AHI1: variants seen among roughly 807,000 people sequenced by gnomAD.
AHI1 encodes Abelson helper integration site 1, also known as jouberin.
In AHI1, 123 loss-of-function variants were observed where a neutral mutation model predicts 149.3. That is an observed-to-expected ratio of 0.82 (90% confidence interval 0.71 to 0.96). The LOEUF (loss-of-function observed/expected upper bound fraction) is 0.96. Ranked by LOEUF, AHI1 falls within the 40% of genes least tolerant of loss-of-function variation. AHI1 has a pLI of 0.00. For synonymous variants in AHI1, 475 were observed against 459.8 expected, an observed-to-expected ratio of 1.03 and a Z score of -0.42; for missense variants, 1,439 against 1,422.7, an observed-to-expected ratio of 1.01 and a Z score of -0.18.
At chr6:135,481,448 TC>T (rs1395241419) in intron 5 of AHI1, among the ~76,000 whole-genome samples, 2 of 152,084 alleles carry the variant, frequency 1.3e-5, no homozygotes, top group Admixed American at 1.3e-4. Context: ...AAATTCAAAA[TC>T]CAAAACGCTC....
chr6:135,405,201 C>G (rs1361879679), intron 21 of AHI1, among the ~76,000 whole-genome samples: 1 of 152,084 alleles, frequency 6.6e-6, no homozygotes, highest in Non-Finnish European at 1.5e-5. Context: ...TGTGAAACTC[C>G]CGAGGGCTCA....
chr6:135,494,143 T>C (rs146945707), intron 3 of AHI1, among the ~76,000 whole-genome samples: 11 of 152,354 alleles, frequency 7.2e-5, no homozygotes, highest in Admixed American at 5.2e-4. Flanking sequence ...CACTGTAATA[T>C]AATGCAGTAC....
chr6:135,443,841 A>T (rs1269512249), intron 13 of AHI1, among the ~76,000 whole-genome samples: 2 of 152,152 alleles, frequency 1.3e-5, no homozygotes, highest in Non-Finnish European at 2.9e-5. Flanking sequence ...CTCCAACCAC[A>T]TAATTAAGAA....
intron 27 of AHI1, among the ~76,000 whole-genome samples, chr6:135,291,176 A>G (rs958120418): frequency 6.6e-6 from 1 of 152,176 alleles, no homozygotes; most frequent in Non-Finnish European, 1.5e-5. Context: ...AATGGAACAG[A>G]GTATCTTCTA....
At chr6:135,343,396 A>G (rs1415221065) in intron 24 of AHI1, among the ~76,000 whole-genome samples, 1 of 151,934 alleles carries the variant, frequency 6.6e-6, no homozygotes, top group Admixed American at 6.6e-5. Context: ...GAAGGTGATC[A>G]TAAGATTCCT....
chr6:135,443,779 A>G (rs1438274800), intron 13 of AHI1, among the ~76,000 whole-genome samples: 1 of 152,132 alleles, frequency 6.6e-6, no homozygotes, highest in Non-Finnish European at 1.5e-5. Context: ...CATGCTCCCC[A>G]TCCTTTCTCT....
chr6:135,397,484 TAA>T (rs2128488588), intron 22 of AHI1, among the ~76,000 whole-genome samples: 1 of 151,986 alleles, frequency 6.6e-6, no homozygotes, highest in African/African-American at 2.4e-5. Flanking sequence ...TGGAGAAAAC[TAA>T]AAGCATAAAA....
rs774674688 is a variant in AHI1, at chr6:135,427,313, TAA to T, written c.2624-8_2624-7del. 4.4e-6 allele frequency: 7 copies of T among 1,605,388 alleles called. No individual in the cohort carries two copies. Among genetic ancestry groups the T allele is most frequent in the South Asian group, 1.1e-5 (1 of 90,006 alleles). On this transcript the variant is annotated splice_polypyrimidine_tract_variant and splice_region_variant and intron_variant, in intron 19 of 28. Coordinates refer to ENST00000265602, the MANE Select transcript of AHI1 (RefSeq NM_001134831.2). ...ATACATGGCTACTTGTTCTCCTAAA[TAA>T]AAAGAGAGATTCAAAAATGTATATC...
chr6:135,340,310 T>C (rs1790089483), intron 24 of AHI1, among the ~76,000 whole-genome samples: 1 of 151,788 alleles, frequency 6.6e-6, no homozygotes, highest in Non-Finnish European at 1.5e-5. Context: ...AGGTGGAGGT[T>C]GCGGTAAGCT....
At chr6:135,411,656 T>C (rs1376832114) in intron 20 of AHI1, 112 bp from the exon 21 acceptor site, 1 of 810,946 alleles carries the variant, frequency 1.2e-6, no homozygotes, top group Non-Finnish European at 1.7e-6. Flanking sequence ...TCTTAAAAAC[T>C]GGGTAATAAT....
chr6:135,398,561 T>C (rs1172777202), intron 22 of AHI1, among the ~76,000 whole-genome samples: 1 of 152,210 alleles, frequency 6.6e-6, no homozygotes, highest in Non-Finnish European at 1.5e-5. Context: ...CACAGATTAC[T>C]GATATGACAC....
chr6:135,347,987 C>G (rs1008766930), intron 24 of AHI1, among the ~76,000 whole-genome samples: 4 of 152,290 alleles, frequency 2.6e-5, no homozygotes, highest in African/African-American at 4.8e-5. Flanking sequence ...ATTTATTTTA[C>G]TTAATCTTTA....
intron 3 of AHI1, among the ~76,000 whole-genome samples, chr6:135,493,785 G>A (rs1795585205): frequency 6.6e-6 from 1 of 151,736 alleles, no homozygotes; most frequent in Non-Finnish European, 1.5e-5. Flanking sequence ...GCTCATGTCT[G>A]TAATCCCAAT....
At chr6:135,368,280 T>A (rs1489044054) in intron 23 of AHI1, among the ~76,000 whole-genome samples, 1 of 151,936 alleles carries the variant, frequency 6.6e-6, no homozygotes, top group South Asian at 2.1e-4. Flanking sequence ...TGGTCCTTGG[T>A]TGTAGTTTTG....
chr6:135,388,002 T>C (rs1159936635), intron 23 of AHI1: 3 of 1,613,666 alleles, frequency 1.9e-6, no homozygotes, highest in African/African-American at 2.7e-5. Context: ...TCCACCATAA[T>C]ATACATGTGT....
intron 23 of AHI1, among the ~76,000 whole-genome samples, chr6:135,365,621 G>A (rs1774060055): frequency 6.6e-6 from 1 of 152,172 alleles, no homozygotes; most frequent in African/African-American, 2.4e-5. Context: ...CTTGGTCACT[G>A]TTGCTATTTA....
At chr6:135,494,846 A>G (rs1395168887) in intron 3 of AHI1, among the ~76,000 whole-genome samples, 1 of 152,152 alleles carries the variant, frequency 6.6e-6, no homozygotes, top group East Asian at 1.9e-4. Context: ...ACAGAAGCAA[A>G]CCCAAGTTTT....
chr6:135,336,108 C>T (rs1402619749), intron 24 of AHI1, among the ~76,000 whole-genome samples: 6 of 136,936 alleles, frequency 4.4e-5, no homozygotes, highest in South Asian at 2.3e-4. Context: ...AGCGAAACTC[C>T]GTCTAAAAAA....
chr6:135,411,471 T>C lies in AHI1; in HGVS notation c.2838A>G (p.Gln946=), dbSNP rs1195549298. ...TFPLPGIHQS[Q]DALCTCPKLP... ...GTTTTGGACAGGTACATAGGGCATC[T>C]TGACTTTGGTGTATTCCAGGTAATG... Residue 946 remains glutamine, a synonymous_variant, in exon 21 of 29, where the codon CAA becomes CAG. Transcript: ENST00000265602. 2.5e-6 allele frequency: 4 copies of C among 1,613,264 alleles called. No homozygotes were observed. The highest frequency in any genetic ancestry group is 1.1e-5 in the South Asian group (1 of 90,940).
Sources: gnomAD v4.1 joint callset for allele counts (sites outside exome capture counted in the v4.1 genomes callset) on GRCh38, gnomAD v4.1.1 for gene constraint, MANE v1.5 for transcripts, NCBI Gene and HGNC (gene_info 2026-07-23, HGNC 2026-07-21) for gene names.